The following KMT2C variants were observed in gnomAD, a reference collection of about 807,000 sequenced individuals.
KMT2C encodes the protein histone-lysine N-methyltransferase 2C.
KMT2C carries 88 observed loss-of-function variants against 507.9 expected under a neutral mutation model. That is an observed-to-expected ratio of 0.17 (90% confidence interval 0.15 to 0.21). The LOEUF (loss-of-function observed/expected upper bound fraction) is 0.21. KMT2C is among the 10% of genes least tolerant of loss of function. KMT2C has a pLI of 1.00. For synonymous variants in KMT2C, 2,049 were observed against 2,080.8 expected, an observed-to-expected ratio of 0.98 and a Z score of 0.42; for missense variants, 4,954 against 5,957.8, an observed-to-expected ratio of 0.83 and a Z score of 5.55.
chr7:152,211,516 C>T (rs956005187), intron 23 of KMT2C, among the ~76,000 whole-genome samples: 1 of 152,158 alleles, frequency 6.6e-6, no homozygotes. Flanking sequence ...AAGGATAACA[C>T]TGGATCTAGT....
chr7:152,399,640 A>C (rs901516243), intron 1 of KMT2C, among the ~76,000 whole-genome samples: 4 of 152,162 alleles, frequency 2.6e-5, no homozygotes, highest in Non-Finnish European at 5.9e-5. Flanking sequence ...ATCCAAGGTC[A>C]GCAGATATTT....
chr7:152,315,350 G>C lies in KMT2C; in HGVS notation c.390-12C>G, dbSNP rs2129202753. The stretch of plus-strand genomic sequence containing the variant: ...CGCAGAGCTGTTCACTAGTAAAAAT[G>C]AAATGTAAGTCAGAGAAGGAGAAAA... On this transcript the variant is annotated splice_polypyrimidine_tract_variant and intron_variant, in intron 3 of 58. Coordinates refer to ENST00000262189, the MANE Select transcript of KMT2C (RefSeq NM_170606.3). 1 of 1,603,458 alleles carries C rather than the reference G, an allele frequency of 6.2e-7. No individual in the cohort carries two copies. The highest frequency in any genetic ancestry group is 8.5e-7 in the Non-Finnish European group (1 of 1,171,064).
intron 3 of KMT2C, 82 bp from the exon 4 acceptor site, chr7:152,315,420 G>A: frequency 1.0e-6 from 1 of 969,898 alleles, no homozygotes. Context: ...AGATACTTGT[G>A]CTTTTAAATT....
chr7:152,303,495 C>T (rs1330516467), intron 6 of KMT2C, among the ~76,000 whole-genome samples: 1 of 152,128 alleles, frequency 6.6e-6, no homozygotes, highest in Non-Finnish European at 1.5e-5. Context: ...TGTATTTATC[C>T]CATTAGTGAC....
intron 10 of KMT2C, among the ~76,000 whole-genome samples, chr7:152,252,323 C>G (rs2095574959): frequency 6.6e-6 from 1 of 152,146 alleles, no homozygotes; most frequent in Admixed American, 6.6e-5. Flanking sequence ...TTACTTTTCC[C>G]TATTAGTGCT....
In KMT2C at chr7:152,148,470, G is replaced by A. The variant is rs1281237371; in HGVS notation, c.13457C>T (p.Thr4486Ile). ...RFRCTNIYHF[T>I]CAIKAQCMFF... Reference sequence around the variant, plus strand: ...CATGCATTGTGCTTTAATGGCGCAAGTGAAGTGATAAATGTTGGTGCATCG... The same window carrying A: ...CATGCATTGTGCTTTAATGGCGCAAATGAAGTGATAAATGTTGGTGCATCG... Residue 4486 changes from threonine to isoleucine, a missense_variant, in exon 52 of 59, where the codon ACT becomes ATT. By Grantham distance (89) the Thr-to-Ile change is moderately conservative (BLOSUM62 -1). Coordinates refer to ENST00000262189, the MANE Select transcript of KMT2C (RefSeq NM_170606.3). The surrounding 1 kb of genome is among the most constrained non-coding windows in gnomAD (Gnocchi z 7.1). 24 of 1,614,162 alleles carry A rather than the reference G, an allele frequency of 1.5e-5. No homozygotes were observed. The highest frequency in any genetic ancestry group is 2.0e-5 in the Non-Finnish European group (24 of 1,180,062).
chr7:152,361,197 G>A (rs1251370177), intron 1 of KMT2C, among the ~76,000 whole-genome samples: 1 of 152,144 alleles, frequency 6.6e-6, no homozygotes, highest in Admixed American at 6.5e-5. Flanking sequence ...GTGAATTAGG[G>A]AGAAAACACT....
intron 27 of KMT2C, among the ~76,000 whole-genome samples, chr7:152,197,816 T>C (rs763257057): frequency 3.9e-5 from 6 of 152,118 alleles, no homozygotes; most frequent in South Asian, 2.1e-4. Context: ...AGTAGTTCAA[T>C]TGCAAAGAAC....
At chr7:152,155,164 C>G (rs564577089) in intron 46 of KMT2C, among the ~76,000 whole-genome samples, 1 of 152,190 alleles carries the variant, frequency 6.6e-6, no homozygotes, top group East Asian at 1.9e-4. Context: ...TGCAGGAGAC[C>G]CAAGAAAGGC....
intron 2 of KMT2C, among the ~76,000 whole-genome samples, chr7:152,345,216 A>G (rs2097046231): frequency 6.6e-6 from 1 of 152,114 alleles, no homozygotes; most frequent in African/African-American, 2.4e-5. Flanking sequence ...AGCCTGGGCA[A>G]CACAGCGAGA....
chr7:152,285,653 A>G (rs1028570973), intron 6 of KMT2C, among the ~76,000 whole-genome samples: 1 of 152,188 alleles, frequency 6.6e-6, no homozygotes, highest in Non-Finnish European at 1.5e-5. Flanking sequence ...ATACCCTTGG[A>G]AAAAAAGCAG....
intron 6 of KMT2C, among the ~76,000 whole-genome samples, chr7:152,289,230 G>A (rs2096363234): frequency 6.6e-6 from 1 of 152,198 alleles, no homozygotes; most frequent in African/African-American, 2.4e-5. Context: ...AACTGTTGAT[G>A]CATTTCCAAA....
intron 49 of KMT2C, 151 bp from the exon 50 acceptor site, chr7:152,151,732 T>C (rs1415900630): frequency 1.8e-6 from 1 of 563,712 alleles, no homozygotes; most frequent in African/African-American, 1.9e-5. Flanking sequence ...TAAGCAATGG[T>C]TACAGAGTCG....
chr7:152,164,624 C>T (rs1031263977), intron 42 of KMT2C, among the ~76,000 whole-genome samples: 4 of 152,196 alleles, frequency 2.6e-5, no homozygotes, highest in Admixed American at 1.3e-4. Context: ...ATTACCAGCA[C>T]GAATATCACA....
intron 55 of KMT2C, among the ~76,000 whole-genome samples, chr7:152,140,513 G>A (rs2090418375): frequency 6.6e-6 from 1 of 152,124 alleles, no homozygotes. Flanking sequence ...AACAAAATAT[G>A]GGTCTTTGCC....
chr7:152,389,440 G>A (rs1261779412), intron 1 of KMT2C, among the ~76,000 whole-genome samples: 1 of 151,320 alleles, frequency 6.6e-6, no homozygotes, highest in Non-Finnish European at 1.5e-5. Flanking sequence ...GATAGGAGAG[G>A]CCTCTAGTTT....
Position 152,264,942 on chromosome 7 carries a change from T to G in KMT2C, c.1184+96A>C. The G allele has an allele frequency of 2.1e-6, 3 of 1,414,840 alleles. 1 individual carries two copies. The highest frequency in any genetic ancestry group is 3.4e-5 in the South Asian group (2 of 58,946). 87.6% of individuals were successfully genotyped at this position (1,414,840 alleles called of 1,614,324 possible). ...TCACTGAATGAATATAGCTAAAATA[T>G]GAACAACCTCTATTATATTACACAA... On this transcript the variant is annotated intron_variant, in intron 8 of 58. Transcript: ENST00000262189.
intron 2 of KMT2C, among the ~76,000 whole-genome samples, chr7:152,349,112 A>T (rs79054420): frequency 0.025 from 3,812 of 152,300 alleles, 80 homozygotes; most frequent in Non-Finnish European, 0.04. Flanking sequence ...ATACAATATT[A>T]TTCAGCACTA....
chr7:152,246,802 G>A (rs1281702769), intron 14 of KMT2C, among the ~76,000 whole-genome samples: 1 of 152,078 alleles, frequency 6.6e-6, no homozygotes. Context: ...TATATAAAGA[G>A]TGGCCTAGTT....
Sources: allele counts gnomAD v4.1 joint callset (sites outside exome capture counted in the v4.1 genomes callset), GRCh38; gene constraint gnomAD v4.1.1; non-coding constraint Gnocchi (gnomAD v3.1); transcripts MANE v1.5; gene names NCBI Gene and HGNC (gene_info 2026-07-23, HGNC 2026-07-21).